The following FNBP4 variants were observed in gnomAD, a reference collection of about 807,000 sequenced individuals.
FNBP4 encodes the protein formin binding protein 4, also known as formin-binding protein 4.
In FNBP4, 34 loss-of-function variants were observed where a neutral mutation model predicts 119.3. That is an observed-to-expected ratio of 0.28 (90% CI 0.22 to 0.38). The LOEUF is 0.38. Among genes scored for constraint, FNBP4 ranks in the 10% least tolerant of loss-of-function variants. The pLI is 1.00. For synonymous variants in FNBP4, 462 were observed against 430.6 expected, an observed-to-expected ratio of 1.07 and a Z score of -0.90; for missense variants, 1,112 against 1,228.9, an observed-to-expected ratio of 0.90 and a Z score of 1.42.
At position 47,731,366 on chromosome 11, in the gene FNBP4, T is replaced by C. The variant is rs375025501; in HGVS notation, c.2008+8A>G. Reference sequence around the variant, plus strand: ...TTGGCTGAATTAGTACAAGGTAAATTGTCTCACCTGTGGAAGTTTCAGAGG... The same window carrying C: ...TTGGCTGAATTAGTACAAGGTAAATCGTCTCACCTGTGGAAGTTTCAGAGG... On this transcript the variant is annotated splice_region_variant and intron_variant, in intron 12 of 16. Coordinates refer to ENST00000263773, the MANE Select transcript of FNBP4 (RefSeq NM_015308.5). The C allele has an allele frequency of 1.9e-5, 30 of 1,599,392 alleles. No homozygotes were observed. The highest frequency in any genetic ancestry group is 2.4e-5 in the Non-Finnish European group (28 of 1,175,132).
chr11:47,719,576 A>ATGTATGTG, intron 16 of FNBP4, among the ~76,000 whole-genome samples: 1 of 147,802 alleles, frequency 6.8e-6, no homozygotes, highest in African/African-American at 2.5e-5. Flanking sequence ...TTATGTGTGT[A>ATGTATGTG]TGTGTGTGTG....
At chr11:47,731,817 A>AT in intron 11 of FNBP4, 1 of 1,192,120 alleles carries the variant, frequency 8.4e-7, no homozygotes, top group South Asian at 4.0e-5. Flanking sequence ...CTTAGAAAAC[A>AT]CTTTTCTCTT....
intron 12 of FNBP4, 107 bp from the exon 13 acceptor site, chr11:47,724,885 G>C: frequency 7.0e-7 from 1 of 1,425,680 alleles, no homozygotes; most frequent in African/African-American, 1.4e-5. Context: ...TAGGAACCTA[G>C]CACAGTGTAC....
intron 8 of FNBP4, among the ~76,000 whole-genome samples, chr11:47,742,971 T>C (rs1244916902): frequency 6.6e-6 from 1 of 152,104 alleles, no homozygotes; most frequent in African/African-American, 2.4e-5. Context: ...TTGTTTTTTT[T>C]TTGTTTGGTT....
At chr11:47,741,966 G>A (rs1025831909) in intron 8 of FNBP4, among the ~76,000 whole-genome samples, 2 of 147,588 alleles carry the variant, frequency 1.4e-5, no homozygotes, top group African/African-American at 5.0e-5. Context: ...CATCAACAGT[G>A]GGCAGAGTTA....
intron 2 of FNBP4, among the ~76,000 whole-genome samples, chr11:47,763,368 C>A (rs2097640067): frequency 6.7e-6 from 1 of 148,544 alleles, no homozygotes; most frequent in Non-Finnish European, 1.5e-5. Flanking sequence ...ATCACTTCAA[C>A]CCGGGAGGCA....
intron 13 of FNBP4, 144 bp downstream of exon 13, chr11:47,724,321 ATCC>A: frequency 6.6e-7 from 1 of 1,521,308 alleles, no homozygotes; most frequent in South Asian, 1.3e-5. Flanking sequence ...GGCTTAAGCA[ATCC>A]TCCTGCTTCG....
chr11:47,731,842 C>T (rs1278257988), intron 11 of FNBP4: 3 of 1,106,584 alleles, frequency 2.7e-6, no homozygotes, highest in Non-Finnish European at 3.3e-6. Flanking sequence ...TGTGATTTGC[C>T]AATGCATAAC....
Position 47,767,334 on chromosome 11 carries a change from CG to C in FNBP4, c.-47del. ...GAGAGCGTCGGGCGGCCGAGAGGGG[CG>C]GGCACTGGAGGCTGGGCGCTGGGCC... On this transcript the variant is annotated 5_prime_UTR_variant, in exon 1 of 17. Coordinates refer to ENST00000263773, the MANE Select transcript of FNBP4 (RefSeq NM_015308.5). 7.0e-7 allele frequency: 1 copy of C among 1,429,790 alleles called. No homozygotes were observed. Among genetic ancestry groups the C allele is most frequent in the East Asian group, 2.8e-5 (1 of 35,746 alleles). 88.6% of individuals were successfully genotyped at this position (1,429,790 alleles called of 1,614,324 possible).
rs768094714 is a variant in FNBP4 at position 47,736,704 on chromosome 11, T to G, written c.1493A>C (p.Asn498Thr). The G allele has an allele frequency of 1.3e-5, 21 of 1,604,046 alleles. No individual in the cohort carries two copies. Among genetic ancestry groups the G allele is most frequent in the Non-Finnish European group, 1.8e-5 (21 of 1,173,114 alleles). The change falls in exon 9 of 17, where the codon AAT becomes ACT. Residue 498 changes from asparagine to threonine, a missense_variant. Transcript: ENST00000263773. ...TTCTACTTCCATCTCTTTATCTGAA[T>G]TCTCATCTATTTTTTCTGAATTTTC... ...GAENSEKIDE[N>T]SDKEMEVEES...
At chr11:47,752,760 G>C (rs949585786) in intron 4 of FNBP4, 156 bp downstream of exon 4, 3 of 626,810 alleles carry the variant, frequency 4.8e-6, no homozygotes, top group Non-Finnish European at 8.1e-6. Context: ...GTTGGAGCGA[G>C]CCAAGATCGC....
At chr11:47,719,456 T>C (rs946882089) in intron 16 of FNBP4, among the ~76,000 whole-genome samples, 5 of 152,170 alleles carry the variant, frequency 3.3e-5, no homozygotes, top group Admixed American at 2.0e-4. Context: ...GACTGAAATA[T>C]AGGGACAGGG....
chr11:47,721,209 T>G (rs2097555308), intron 15 of FNBP4, among the ~76,000 whole-genome samples: 1 of 151,130 alleles, frequency 6.6e-6, no homozygotes, highest in Non-Finnish European at 1.5e-5. Flanking sequence ...TAGTCCCAGC[T>G]ACTCTGCACT....
intron 10 of FNBP4, among the ~76,000 whole-genome samples, chr11:47,733,337 C>CT (rs950005832): frequency 1.3e-3 from 184 of 144,490 alleles, no homozygotes; most frequent in East Asian, 5.8e-3. Context: ...GGATTCAGTT[C>CT]TTTTTTTTTT....
At chr11:47,759,667 T>C (rs1311441844) in intron 2 of FNBP4, among the ~76,000 whole-genome samples, 1 of 152,026 alleles carries the variant, frequency 6.6e-6, no homozygotes, top group Non-Finnish European at 1.5e-5. Flanking sequence ...TAAATAAAAA[T>C]ACTGGCCGGG....
intron 4 of FNBP4, among the ~76,000 whole-genome samples, chr11:47,751,492 C>T (rs1032743343): frequency 6.6e-6 from 1 of 151,898 alleles, no homozygotes; most frequent in African/African-American, 2.4e-5. Flanking sequence ...AGTAGCACTC[C>T]CATCCACCCT....
At chr11:47,759,434 G>C (rs1204410427) in intron 2 of FNBP4, among the ~76,000 whole-genome samples, 1 of 151,650 alleles carries the variant, frequency 6.6e-6, no homozygotes, top group Non-Finnish European at 1.5e-5. Flanking sequence ...GGCTGCTCTC[G>C]CACTCCTGAC....
In FNBP4 at chr11:47,753,114, A is replaced by G. The variant is rs2097607619; in HGVS notation, c.451-12T>C. 6.3e-7 allele frequency: 1 copy of G among 1,578,924 alleles called. No individual in the cohort carries two copies. Among genetic ancestry groups the G allele is most frequent in the South Asian group, 1.1e-5 (1 of 87,010 alleles). ...ATGGCATCGATCTCCTTCAGTATGA[A>G]AAGAGTAACAAATGCAGTAATTATA... On this transcript the variant is annotated splice_polypyrimidine_tract_variant and intron_variant, in intron 3 of 16. Transcript: ENST00000263773.
chr11:47,767,040 C>T (rs1421974212), intron 1 of FNBP4, 29 bp downstream of exon 1: 2 of 1,516,914 alleles, frequency 1.3e-6, no homozygotes, highest in African/African-American at 2.9e-5. Flanking sequence ...GCCCTGAGCT[C>T]GAGTTCAGGT....
Sources: gnomAD v4.1 joint callset for allele counts (sites outside exome capture counted in the v4.1 genomes callset) on GRCh38, gnomAD v4.1.1 for gene constraint, MANE v1.5 for transcripts, NCBI Gene and HGNC (gene_info 2026-07-23, HGNC 2026-07-21) for gene names.